MYO9B: variants seen among roughly 807,000 people sequenced by gnomAD.
MYO9B encodes the protein myosin IXB.
Under a neutral mutation model 229.5 loss-of-function variants are expected in MYO9B, and 71 were observed. The observed-to-expected ratio is 0.31, with a 90% confidence interval of 0.26 to 0.38. The LOEUF (loss-of-function observed/expected upper bound fraction) is 0.38, where lower values mean the gene tolerates loss of function less well. Among genes scored for constraint, MYO9B ranks in the 10% least tolerant of loss-of-function variants. The pLI, the probability that MYO9B is intolerant of heterozygous loss-of-function variation, is 1.00. For synonymous variants in MYO9B, 1,185 were observed against 1,235.8 expected (o/e 0.96, Z 0.86); for missense variants, 2,255 against 2,920.5 (o/e 0.77, Z 5.25).
chr19:17,144,031 A>G (rs1213069749), intron 2 of MYO9B, among the ~76,000 whole-genome samples: 1 of 152,190 alleles, frequency 6.6e-6, no homozygotes, highest in Non-Finnish European at 1.5e-5. Flanking sequence ...TACCTACTTA[A>G]CAAACCTGCG....
At chr19:17,151,286 AAAAG>A (rs948560328) in intron 3 of MYO9B, among the ~76,000 whole-genome samples, 9 of 111,250 alleles carry the variant, frequency 8.1e-5, no homozygotes, top group South Asian at 2.8e-4. Flanking sequence ...CTCAAAAAAA[AAAAG>A]AAAGAAAGAA....
chr19:17,200,363 C>G lies in MYO9B; in HGVS notation c.4309C>G (p.Leu1437Val), dbSNP rs377083211. ...KKYSLEGAEE[L>V]ENAVSGHVVL... Reference sequence around the variant, plus strand: ...ATACAGCCTGGAGGGCGCAGAGGAGCTGGAGAATGCAGTGTCCGGGCACGT... The same window carrying G: ...ATACAGCCTGGAGGGCGCAGAGGAGGTGGAGAATGCAGTGTCCGGGCACGT... Residue 1437 changes from leucine (L) to valine (V), a missense_variant, in exon 25 of 40, where the codon CTG becomes GTG. Coordinates refer to ENST00000682292, the MANE Select transcript of MYO9B (RefSeq NM_004145.4). The G allele has an allele frequency of 3.7e-6, 6 of 1,609,280 alleles. No homozygotes were observed. In the African/African-American group the frequency reaches 8.0e-5, roughly 21 times the overall value.
chr19:17,107,497 C>G (rs1440816597), intron 2 of MYO9B, among the ~76,000 whole-genome samples: 1 of 152,180 alleles, frequency 6.6e-6, no homozygotes, highest in Non-Finnish European at 1.5e-5. Context: ...AGGGCGTGGA[C>G]AAGTTTCCTG....
chr19:17,206,791 G>A lies in MYO9B; in HGVS notation c.5492+7G>A, dbSNP rs200922462. ...TCATCTTCCACCTTGTCAAGCAAGT[G>A]CCTCCCCACCTGCCCTCTGTGGGGT... On this transcript the variant is annotated splice_region_variant and intron_variant, in intron 34 of 39. Transcript: ENST00000682292. 40 of 1,569,696 alleles carry A rather than the reference G, an allele frequency of 2.5e-5. No homozygotes were observed. The East Asian group carries it at 8.9e-4, about 35-fold the overall frequency.
chr19:17,159,324 G>T (rs2072572765), intron 7 of MYO9B, 71 bp from the exon 8 acceptor site: 1 of 1,417,540 alleles, frequency 7.1e-7, no homozygotes, highest in Non-Finnish European at 9.7e-7. Flanking sequence ...CGTTGCCTCA[G>T]TGATACCAGG....
intron 1 of MYO9B, among the ~76,000 whole-genome samples, chr19:17,095,130 T>C (rs999176053): frequency 4.0e-5 from 6 of 151,838 alleles, no homozygotes; most frequent in African/African-American, 9.7e-5. Flanking sequence ...TCCCCTGAGA[T>C]TGGAAGGGAG....
In MYO9B at chr19:17,193,436, TATC is replaced by T. The variant is rs1433246881; in HGVS notation, c.3128+376_3128+378del. Among the ~76,000 whole-genome samples, 1 of 152,010 alleles carries T rather than the reference TATC, an allele frequency of 6.6e-6. No homozygotes were observed. Among genetic ancestry groups the T allele is most frequent in the Non-Finnish European group, 1.5e-5 (1 of 67,982 alleles). On this transcript the variant is annotated intron_variant, in intron 21 of 39. Transcript: ENST00000682292. The surrounding 1 kb of genome is among the most constrained non-coding windows in gnomAD (Gnocchi z 4.3). The stretch of plus-strand genomic sequence containing the variant: ...GGGCACAGAGAAGCCCCCAGGAGGA[TATC>T]AGCAGCTCCCGTCCCAGCACCCACA...
intron 2 of MYO9B, among the ~76,000 whole-genome samples, chr19:17,121,477 G>A (rs1004868861): frequency 1.4e-5 from 2 of 143,116 alleles, no homozygotes; most frequent in Admixed American, 1.4e-4. Context: ...AAGAGCTGCC[G>A]CCACAGGATG....
intron 6 of MYO9B, 31 bp downstream of exon 6, chr19:17,154,446 C>T: frequency 6.4e-7 from 1 of 1,567,392 alleles, no homozygotes; most frequent in Non-Finnish European, 8.7e-7. Context: ...GGCCTGTCCC[C>T]CAGAGCCTAC....
intron 14 of MYO9B, among the ~76,000 whole-genome samples, chr19:17,180,189 C>T (rs1033276314): frequency 1.3e-5 from 2 of 148,980 alleles, no homozygotes; most frequent in Admixed American, 6.7e-5. Context: ...GCTGAGATTG[C>T]GCCATTGTAC....
Position 17,102,010 on chromosome 19 carries a change from A to G in MYO9B, c.293A>G (p.Glu98Gly). The G allele has an allele frequency of 1.2e-6, 2 of 1,612,674 alleles. No individual in the cohort carries two copies. Among genetic ancestry groups the G allele is most frequent in the Non-Finnish European group, 1.7e-6 (2 of 1,179,878 alleles). The change falls in exon 2 of 40, where the codon GAG (glutamate) becomes GGG (glycine). Residue 98 changes from glutamate (E) to glycine (G), a missense_variant. Around this residue, in one of 7 missense-constraint regions of MYO9B, gnomAD observed 386 missense variants for 515.2 expected, o/e 0.75. Coordinates refer to ENST00000682292, the MANE Select transcript of MYO9B (RefSeq NM_004145.4). ...VLLWPRRAQD[E>G]HPQEDGYYFL... ...CTATGGCCCCGGCGGGCACAGGACG[A>G]GCACCCTCAGGAGGATGGCTACTAC...
At chr19:17,173,091 T>A in intron 13 of MYO9B, 128 bp downstream of exon 13, 1 of 1,135,414 alleles carries the variant, frequency 8.8e-7, no homozygotes, top group Non-Finnish European at 1.2e-6. Context: ...GCCACCTGTC[T>A]ACCTGAAGTG....
chr19:17,184,842 C>T (rs748548952), intron 16 of MYO9B, 23 bp from the exon 17 acceptor site: 58 of 1,613,218 alleles, frequency 3.6e-5, no homozygotes, highest in Admixed American at 5.0e-5. Flanking sequence ...GAGGGCAGGC[C>T]GGACCCCATG....
chr19:17,095,960 G>A (rs1375312993), intron 1 of MYO9B: 1 of 152,004 alleles, frequency 6.6e-6, no homozygotes, highest in African/African-American at 2.4e-5. Context: ...TTTTAGTAGA[G>A]AAGGGGTTTC....
At chr19:17,164,383 G>GT (rs1369204729) in intron 10 of MYO9B, among the ~76,000 whole-genome samples, 8 of 138,158 alleles carry the variant, frequency 5.8e-5, no homozygotes, top group Non-Finnish European at 9.2e-5. Flanking sequence ...TATCTGACGT[G>GT]TCTTTTTTTT....
chr19:17,130,798 T>G (rs2072186933), intron 2 of MYO9B, among the ~76,000 whole-genome samples: 1 of 152,032 alleles, frequency 6.6e-6, no homozygotes, highest in Non-Finnish European at 1.5e-5. Flanking sequence ...ATCTAGAATT[T>G]TTGCCTACAT....
At chr19:17,100,923 G>A (rs865827419) in intron 1 of MYO9B, among the ~76,000 whole-genome samples, 2 of 151,392 alleles carry the variant, frequency 1.3e-5, no homozygotes, top group Admixed American at 6.6e-5. Context: ...CATGCCTCTC[G>A]CTGTTACTGC....
intron 7 of MYO9B, chr19:17,157,286 G>T: frequency 2.4e-6 from 1 of 414,186 alleles, no homozygotes; most frequent in Non-Finnish European, 4.3e-6. Context: ...GCCGGGTGCG[G>T]TGTCTCACCT....
chr19:17,157,820 GC>G (rs2072554041), intron 7 of MYO9B: 1 of 152,298 alleles, frequency 6.6e-6, no homozygotes, highest in Non-Finnish European at 1.5e-5. Context: ...GTTCATTGCC[GC>G]CGTGAGCTGT....
Sources: allele counts gnomAD v4.1 joint callset (sites outside exome capture counted in the v4.1 genomes callset), GRCh38; gene constraint gnomAD v4.1.1; regional missense constraint gnomAD v4.1.1; non-coding constraint Gnocchi (gnomAD v3.1); transcripts MANE v1.5; gene names NCBI Gene and HGNC (gene_info 2026-07-23, HGNC 2026-07-21).